ZNF138: variants seen among roughly 807,000 people sequenced by gnomAD.
ZNF138 encodes zinc finger protein 138 (clone pHZ-32).
ZNF138 carries 33 observed loss-of-function variants against 33.0 expected under a neutral mutation model. The ratio of observed to expected loss-of-function variants is 1.00; its 90% CI spans 0.76 to 1.34. The LOEUF (loss-of-function observed/expected upper bound fraction) is 1.34. Ranked by LOEUF, ZNF138 falls within the 40% of genes most tolerant of loss-of-function variation. The pLI is 0.00. For synonymous variants in ZNF138, 139 were observed against 120.4 expected, an observed-to-expected ratio of 1.15 and a Z score of -1.01; for missense variants, 360 against 370.8, an observed-to-expected ratio of 0.97 and a Z score of 0.24.
the ZNF138 span, chr7:64,852,528 G>A: frequency 1.3e-5 from 20 of 1,572,044 alleles, no homozygotes; most frequent in Middle Eastern, 1.7e-4. Context: ...CATGCTTGGT[G>A]GTCTTCACCA....
At chr7:64,802,160 G>A (rs374787621) in intron 1 of ZNF138, among the ~76,000 whole-genome samples, 46 of 152,198 alleles carry the variant, frequency 3.0e-4, no homozygotes, top group Middle Eastern at 3.4e-3. Context: ...GGCGGCTTCC[G>A]GGCTATAGGC....
downstream of ZNF138, chr7:64,836,558 C>T (rs1790371395): frequency 6.6e-6 from 1 of 152,216 alleles, no homozygotes; most frequent in African/African-American, 2.4e-5. Flanking sequence ...CAGCGGGGGT[C>T]CTAAGGGTCA....
intron 1 of ZNF138, among the ~76,000 whole-genome samples, chr7:64,805,186 CAG>C (rs1233018667): frequency 1.3e-5 from 2 of 152,038 alleles, no homozygotes; most frequent in Non-Finnish European, 2.9e-5. Flanking sequence ...ATCACGAGGT[CAG>C]GGGTTCAAGA....
chr7:64,813,265 A>G (rs1007350116), intron 1 of ZNF138, among the ~76,000 whole-genome samples: 2 of 152,176 alleles, frequency 1.3e-5, no homozygotes, highest in African/African-American at 2.4e-5. Flanking sequence ...TATGCAGAAC[A>G]GGATTAATAA....
At chr7:64,824,607 A>G (rs1789420963) in intron 3 of ZNF138, among the ~76,000 whole-genome samples, 1 of 152,088 alleles carries the variant, frequency 6.6e-6, no homozygotes, top group Non-Finnish European at 1.5e-5. Flanking sequence ...TTTTGTCAAT[A>G]TTTGCTTTCT....
intron 1 of ZNF138, among the ~76,000 whole-genome samples, chr7:64,803,978 C>A (rs188441569): frequency 1.3e-5 from 2 of 152,104 alleles, no homozygotes; most frequent in African/African-American, 4.8e-5. Context: ...ACCCAAAAAC[C>A]GTAATAGCTC....
intron 1 of ZNF138, among the ~76,000 whole-genome samples, chr7:64,803,258 GTTT>G (rs60101981): frequency 3.5e-5 from 4 of 113,056 alleles, no homozygotes; most frequent in African/African-American, 9.9e-5. Context: ...TTTGGCAAAG[GTTT>G]TTTTTTTTTT....
chr7:64,813,435 GA>G (rs66696711), intron 1 of ZNF138, among the ~76,000 whole-genome samples: 85,445 of 130,100 alleles, frequency 0.66, 25,844 homozygotes, highest in African/African-American at 0.76. Context: ...GCATAAAAAT[GA>G]TTTTTTTTTT....
intron 3 of ZNF138, among the ~76,000 whole-genome samples, chr7:64,828,606 A>G (rs1050458598): frequency 6.6e-6 from 1 of 152,180 alleles, no homozygotes; most frequent in Non-Finnish European, 1.5e-5. Context: ...ACAATTCTGC[A>G]AAAATTATGA....
Position 64,823,917 on chromosome 7 carries a change from G to T in ZNF138, c.209-7534G>T, listed in dbSNP as rs1252062060. ...CGTGCCACTGCACTCCAGCCTGGGT[G>T]ACAGATTGAGACTCCACCTCAAAAA... On this transcript the variant is annotated intron_variant, in intron 3 of 3. Transcript: ENST00000307355. 2.0e-5 allele frequency among the ~76,000 whole-genome samples: 3 copies of T among 152,174 alleles called. No homozygotes were observed. The East Asian group carries it at 5.8e-4, about 29-fold the overall frequency.
the ZNF138 span, among the ~76,000 whole-genome samples, chr7:64,848,520 A>G: frequency 5.3e-5 from 8 of 151,714 alleles, no homozygotes; most frequent in East Asian, 3.9e-4. Context: ...CGTTTATGCT[A>G]TCTATTTCAC....
chr7:64,817,412 G>C (rs1292103882), intron 3 of ZNF138, among the ~76,000 whole-genome samples: 1 of 152,178 alleles, frequency 6.6e-6, no homozygotes. Flanking sequence ...GAATCTTGCA[G>C]TTTGCCACCT....
chr7:64,806,746 C>T (rs1202494932), intron 1 of ZNF138, among the ~76,000 whole-genome samples: 1 of 152,178 alleles, frequency 6.6e-6, no homozygotes, highest in African/African-American at 2.4e-5. Flanking sequence ...CTAATAATGA[C>T]ACACTGGACA....
At chr7:64,814,502 C>CA in intron 1 of ZNF138, among the ~76,000 whole-genome samples, 1 of 152,258 alleles carries the variant, frequency 6.6e-6, no homozygotes, top group Admixed American at 6.5e-5. Context: ...CCTGGTGGCT[C>CA]ACACCTGTAA....
At chr7:64,814,557 G>A (rs1374589044) in intron 1 of ZNF138, among the ~76,000 whole-genome samples, 1 of 152,120 alleles carries the variant, frequency 6.6e-6, no homozygotes, top group Non-Finnish European at 1.5e-5. Context: ...ACGAGGTCAG[G>A]AGTTCGAGAC....
At chr7:64,828,976 GAA>G (rs1789865957) in intron 3 of ZNF138, among the ~76,000 whole-genome samples, 1 of 152,052 alleles carries the variant, frequency 6.6e-6, no homozygotes, top group African/African-American at 2.4e-5. Context: ...GGAGTATGCT[GAA>G]GAGTGTGTTG....
intron 1 of ZNF138, among the ~76,000 whole-genome samples, chr7:64,805,540 G>A (rs146385297): frequency 1.3e-5 from 2 of 152,198 alleles, no homozygotes; most frequent in Admixed American, 6.5e-5. Context: ...GAGTGCTGCT[G>A]TGGCAATTGG....
intron 1 of ZNF138, among the ~76,000 whole-genome samples, chr7:64,809,170 G>A (rs376103382): frequency 4.1e-5 from 5 of 121,424 alleles, no homozygotes; most frequent in African/African-American, 1.5e-4. Flanking sequence ...GCCGGGCAGA[G>A]GCGCCCCTCA....
intron 1 of ZNF138, among the ~76,000 whole-genome samples, chr7:64,808,761 C>G (rs1476982458): frequency 1.5e-5 from 2 of 134,908 alleles, no homozygotes; most frequent in Non-Finnish European, 3.4e-5. Context: ...GTTTGTGTCC[C>G]TGGGTACTTG....
Sources: allele counts gnomAD v4.1 joint callset (sites outside exome capture counted in the v4.1 genomes callset), GRCh38; gene constraint gnomAD v4.1.1; transcripts MANE v1.5; gene names NCBI Gene and HGNC (gene_info 2026-07-23, HGNC 2026-07-21).